RAD51B: variants seen among roughly 807,000 people sequenced by gnomAD.
RAD51B encodes DNA repair protein RAD51 homolog 2.
In RAD51B, 38 loss-of-function variants were observed where a neutral mutation model predicts 42.2. The observed-to-expected ratio is 0.90, with a 90% CI of 0.70 to 1.18. The LOEUF (loss-of-function observed/expected upper bound fraction) is 1.18, where lower values mean the gene tolerates loss of function less well. Among genes scored for constraint, RAD51B ranks in the 50% most tolerant of loss-of-function variants. The pLI, the probability that RAD51B is intolerant of heterozygous loss-of-function variation, is 0.00. For missense variants in RAD51B, 373 were observed against 400.7 expected (o/e 0.93, Z 0.59); for synonymous variants, 154 against 145.2 (o/e 1.06, Z -0.43).
intron 4 of RAD51B, among the ~76,000 whole-genome samples, chr14:67,859,083 A>G (rs2042084342): frequency 6.6e-6 from 1 of 152,228 alleles, no homozygotes; most frequent in African/African-American, 2.4e-5. Context: ...ACATTTAATC[A>G]ATGGATCAAC....
At chr14:68,655,386 GA>G in intron 11 of RAD51B, among the ~76,000 whole-genome samples, 1 of 152,270 alleles carries the variant, frequency 6.6e-6, no homozygotes, top group South Asian at 2.1e-4. Context: ...GGTGATGGGG[GA>G]GGGGAGGGGC....
chr14:68,290,239 A>G lies in RAD51B; in HGVS notation c.757-1645A>G, dbSNP rs2081489846. Among the ~76,000 whole-genome samples the G allele has an allele frequency of 2.0e-5, 3 of 152,238 alleles. No individual in the cohort carries two copies. In the South Asian group the frequency reaches 6.2e-4, roughly 32 times the overall value. ...ACAGTCCAGCTAGACAAATATTCCAAGCACTGAATTGTGCACTAAATGCCT... is the reference window on the plus strand; with the variant it reads ...ACAGTCCAGCTAGACAAATATTCCAGGCACTGAATTGTGCACTAAATGCCT... On this transcript the variant is annotated intron_variant, in intron 7 of 10. Coordinates refer to ENST00000471583, the MANE Select transcript of RAD51B (RefSeq NM_133510.4).
At chr14:68,012,951 C>T (rs779516673) in intron 7 of RAD51B, among the ~76,000 whole-genome samples, 5 of 152,000 alleles carry the variant, frequency 3.3e-5, no homozygotes, top group African/African-American at 4.8e-5. Context: ...TTTTATTGTT[C>T]CCATTCCTGT....
chr14:68,020,084 A>T (rs1437711695), intron 7 of RAD51B, among the ~76,000 whole-genome samples: 1 of 152,138 alleles, frequency 6.6e-6, no homozygotes, highest in East Asian at 1.9e-4. Flanking sequence ...TAACAAGGTG[A>T]TGAGCATGGC....
At chr14:67,998,981 C>A (rs750982909) in intron 7 of RAD51B, among the ~76,000 whole-genome samples, 17 of 151,912 alleles carry the variant, frequency 1.1e-4, no homozygotes, top group Non-Finnish European at 2.5e-4. Context: ...CTGAAGAGTC[C>A]ATCTCTTTCC....
At chr14:67,869,935 G>A (rs1159039359) in intron 5 of RAD51B, among the ~76,000 whole-genome samples, 1 of 151,794 alleles carries the variant, frequency 6.6e-6, no homozygotes, top group Non-Finnish European at 1.5e-5. Context: ...CCTGAAGGAA[G>A]CGCTAAACAT....
At chr14:68,142,192 A>G (rs1227107600) in intron 7 of RAD51B, among the ~76,000 whole-genome samples, 3 of 152,068 alleles carry the variant, frequency 2.0e-5, no homozygotes, top group Non-Finnish European at 4.4e-5. Context: ...TGGAAGAAAA[A>G]ATTTTTTAGA....
chr14:68,519,471 C>G (rs1886417774), intron 10 of RAD51B, among the ~76,000 whole-genome samples: 1 of 152,230 alleles, frequency 6.6e-6, no homozygotes, highest in African/African-American at 2.4e-5. Flanking sequence ...CTGGAAGGAA[C>G]AGCTGGCTTC....
chr14:68,617,839 G>A (rs898190954), intron 10 of RAD51B, among the ~76,000 whole-genome samples: 6 of 152,116 alleles, frequency 3.9e-5, no homozygotes, highest in African/African-American at 1.2e-4. Flanking sequence ...CACCATGTTG[G>A]CCAGGCCAAC....
intron 7 of RAD51B, among the ~76,000 whole-genome samples, chr14:68,094,001 C>G (rs1465826956): frequency 6.6e-6 from 1 of 152,164 alleles, no homozygotes; most frequent in Admixed American, 6.5e-5. Context: ...TACTTCTTTG[C>G]CAACATTTTA....
intron 10 of RAD51B, among the ~76,000 whole-genome samples, chr14:68,585,235 C>T (rs1267145651): frequency 5.9e-5 from 9 of 152,178 alleles, no homozygotes; most frequent in Admixed American, 5.9e-4. Context: ...TTTCTCAGAC[C>T]AGCCTTGATT....
intron 11 of RAD51B, among the ~76,000 whole-genome samples, chr14:68,675,436 T>A (rs993499631): frequency 1.3e-5 from 2 of 152,074 alleles, no homozygotes; most frequent in African/African-American, 4.8e-5. Context: ...TGCTTAGGCA[T>A]CTAGGATATG....
At chr14:67,864,109 A>G (rs1167730040) in intron 4 of RAD51B, among the ~76,000 whole-genome samples, 1 of 152,200 alleles carries the variant, frequency 6.6e-6, no homozygotes, top group Non-Finnish European at 1.5e-5. Context: ...GTGAGAACTC[A>G]CTATCATGAG....
chr14:68,387,964 G>A (rs2083637295), intron 8 of RAD51B, among the ~76,000 whole-genome samples: 1 of 151,266 alleles, frequency 6.6e-6, no homozygotes, highest in African/African-American at 2.4e-5. Context: ...GATATATTGT[G>A]CTAACTAAAT....
intron 8 of RAD51B, among the ~76,000 whole-genome samples, chr14:68,342,015 T>C (rs573344695): frequency 5.3e-4 from 80 of 152,308 alleles, no homozygotes; most frequent in African/African-American, 1.9e-3. Flanking sequence ...TCCAGATGCT[T>C]TTTTCATATT....
intron 7 of RAD51B, among the ~76,000 whole-genome samples, chr14:68,149,066 G>A (rs1157969924): frequency 6.6e-6 from 1 of 152,088 alleles, no homozygotes; most frequent in African/African-American, 2.4e-5. Flanking sequence ...CAGATTGTTT[G>A]TTTTCTTATT....
chr14:68,563,938 T>C (rs1034247483), intron 10 of RAD51B: 1 of 981,238 alleles, frequency 1.0e-6, no homozygotes, highest in Non-Finnish European at 1.2e-6. Flanking sequence ...ATATTGGCCC[T>C]GATAGAGAAC....
At chr14:68,547,839 C>T (rs1888317200) in intron 10 of RAD51B, among the ~76,000 whole-genome samples, 1 of 152,200 alleles carries the variant, frequency 6.6e-6, no homozygotes, top group African/African-American at 2.4e-5. Context: ...CGAAAGCACC[C>T]AGACCTGCAG....
At chr14:67,972,108 C>G (rs2074910001) in intron 7 of RAD51B, among the ~76,000 whole-genome samples, 1 of 150,854 alleles carries the variant, frequency 6.6e-6, no homozygotes, top group African/African-American at 2.4e-5. Context: ...CTGGTTTATT[C>G]ATGAGATCCC....
Sources: gnomAD v4.1 joint callset for allele counts (sites outside exome capture counted in the v4.1 genomes callset) on GRCh38, gnomAD v4.1.1 for gene constraint, MANE v1.5 for transcripts, NCBI Gene and HGNC (gene_info 2026-07-23, HGNC 2026-07-21) for gene names.